PCCA: variants seen among roughly 807,000 people sequenced by gnomAD.
PCCA encodes propionyl-CoA carboxylase subunit alpha, also known as propionyl-CoA carboxylase alpha chain, mitochondrial.
In PCCA, 74 loss-of-function variants were observed where a neutral mutation model predicts 101.3. The observed-to-expected ratio is 0.73, with a 90% CI of 0.61 to 0.89. The LOEUF (loss-of-function observed/expected upper bound fraction) is 0.89. Ranked by LOEUF, PCCA falls within the 40% of genes least tolerant of loss-of-function variation. The pLI is 0.00. For missense variants in PCCA, 891 were observed against 907.0 expected (o/e 0.98, Z 0.23); for synonymous variants, 294 against 313.6 (o/e 0.94, Z 0.66).
At chr13:100,252,800 A>G (rs1014988181) in intron 8 of PCCA, among the ~76,000 whole-genome samples, 1 of 152,052 alleles carries the variant, frequency 6.6e-6, no homozygotes, top group African/African-American at 2.4e-5. Flanking sequence ...CTTTCTCTCT[A>G]TCTCTGTTGC....
chr13:100,444,415 G>C (rs2080619595), intron 20 of PCCA, among the ~76,000 whole-genome samples: 2 of 136,306 alleles, frequency 1.5e-5, no homozygotes, highest in Admixed American at 1.6e-4. Flanking sequence ...TGTTGGCCAG[G>C]CTGGTTTTGA....
chr13:100,343,845 C>T (rs1366056838), intron 18 of PCCA, among the ~76,000 whole-genome samples: 3 of 152,168 alleles, frequency 2.0e-5, no homozygotes, highest in Middle Eastern at 3.2e-3. Flanking sequence ...GAGGCCAAGG[C>T]GGACTGATCA....
At chr13:100,172,160 C>G (rs1269875817) in intron 6 of PCCA, among the ~76,000 whole-genome samples, 2 of 149,802 alleles carry the variant, frequency 1.3e-5, no homozygotes, top group Admixed American at 6.7e-5. Context: ...GAGATTGCAC[C>G]ACTACACTCC....
intron 12 of PCCA, among the ~76,000 whole-genome samples, chr13:100,280,714 A>G (rs1449863204): frequency 6.6e-6 from 1 of 152,202 alleles, no homozygotes; most frequent in African/African-American, 2.4e-5. Flanking sequence ...AGCTACACAC[A>G]GGGTCTACTT....
intron 8 of PCCA, among the ~76,000 whole-genome samples, chr13:100,256,471 C>T (rs2152556787): frequency 6.6e-6 from 1 of 152,262 alleles, no homozygotes; most frequent in African/African-American, 2.4e-5. Flanking sequence ...TCTGTCTTCT[C>T]AGTGCACTGA....
chr13:100,501,946 C>T (rs920017218), intron 21 of PCCA, among the ~76,000 whole-genome samples: 28 of 151,782 alleles, frequency 1.8e-4, no homozygotes, highest in African/African-American at 6.5e-4. Context: ...GGGGGCCTAG[C>T]GGTCTGTGGT....
chr13:100,120,141 G>A (rs1464006069), intron 4 of PCCA, among the ~76,000 whole-genome samples: 1 of 150,456 alleles, frequency 6.6e-6, no homozygotes, highest in Non-Finnish European at 1.5e-5. Flanking sequence ...GGGATTACAG[G>A]TTTGAGCCAC....
At chr13:100,377,991 C>T (rs1208357624) in intron 19 of PCCA, among the ~76,000 whole-genome samples, 1 of 151,818 alleles carries the variant, frequency 6.6e-6, no homozygotes, top group African/African-American at 2.4e-5. Flanking sequence ...TTTTCTGTTC[C>T]TCATTTGTGT....
chr13:100,281,153 G>T (rs918311431), intron 12 of PCCA, among the ~76,000 whole-genome samples: 11 of 152,172 alleles, frequency 7.2e-5, no homozygotes, highest in African/African-American at 2.7e-4. Flanking sequence ...ACATATGCCA[G>T]AGAGAAGCCA....
At chr13:100,141,599 G>A (rs1654598376) in intron 4 of PCCA, among the ~76,000 whole-genome samples, 1 of 151,990 alleles carries the variant, frequency 6.6e-6, no homozygotes, top group African/African-American at 2.4e-5. Context: ...TTTTAATAGA[G>A]ACAGTGTTTC....
intron 6 of PCCA, among the ~76,000 whole-genome samples, chr13:100,175,278 C>T (rs2056130349): frequency 6.6e-6 from 1 of 151,454 alleles, no homozygotes; most frequent in Non-Finnish European, 1.5e-5. Context: ...TTTTTTTTTC[C>T]CCCAAACCTT....
At chr13:100,329,790 A>C (rs1230243565) in intron 16 of PCCA, among the ~76,000 whole-genome samples, 1 of 152,110 alleles carries the variant, frequency 6.6e-6, no homozygotes, top group African/African-American at 2.4e-5. Flanking sequence ...GCACCAAAAA[A>C]AGGTCATGGT....
intron 8 of PCCA, among the ~76,000 whole-genome samples, chr13:100,238,247 A>T (rs375230193): frequency 1.7e-3 from 254 of 151,900 alleles, no homozygotes; most frequent in African/African-American, 5.9e-3. Flanking sequence ...GCCATTTTCC[A>T]CTTTCGTTAT....
chr13:100,288,949 T>A (rs1018919575), intron 12 of PCCA, among the ~76,000 whole-genome samples: 1 of 152,198 alleles, frequency 6.6e-6, no homozygotes, highest in Non-Finnish European at 1.5e-5. Flanking sequence ...CAGCTTCTTA[T>A]TTACTTCCCA....
chr13:100,089,584 C>G (rs1379873055), intron 1 of PCCA, among the ~76,000 whole-genome samples: 1 of 152,218 alleles, frequency 6.6e-6, no homozygotes, highest in Non-Finnish European at 1.5e-5. Flanking sequence ...TCCAGGGTGT[C>G]TTTTTAGGTG....
At chr13:100,360,715 G>A (rs1415949739) in intron 18 of PCCA, among the ~76,000 whole-genome samples, 1 of 152,136 alleles carries the variant, frequency 6.6e-6, no homozygotes, top group East Asian at 1.9e-4. Flanking sequence ...TTGCTGGTGG[G>A]AGTGCAAAAT....
At chr13:100,287,122 T>C (rs2064737886) in intron 12 of PCCA, among the ~76,000 whole-genome samples, 1 of 152,138 alleles carries the variant, frequency 6.6e-6, no homozygotes. Context: ...TAATTCGAAG[T>C]GCTATCTACA....
intron 19 of PCCA, among the ~76,000 whole-genome samples, chr13:100,374,403 G>C (rs1701032252): frequency 6.6e-6 from 1 of 152,074 alleles, no homozygotes; most frequent in African/African-American, 2.4e-5. Flanking sequence ...TTATTTTCAT[G>C]ATTCCCTTCT....
intron 9 of PCCA, among the ~76,000 whole-genome samples, chr13:100,261,816 G>T (rs1036814533): frequency 3.3e-5 from 5 of 152,142 alleles, no homozygotes; most frequent in East Asian, 1.9e-4. Flanking sequence ...AAATTGTAAT[G>T]ATCTGTGTGG....
Sources: allele counts gnomAD v4.1 joint callset (sites outside exome capture counted in the v4.1 genomes callset), GRCh38; gene constraint gnomAD v4.1.1; transcripts MANE v1.5; gene names NCBI Gene and HGNC (gene_info 2026-07-23, HGNC 2026-07-21).